The following DST variants were observed in gnomAD, a reference collection of about 807,000 sequenced individuals.
DST encodes the protein bullous pemphigoid antigen.
In DST, 253 loss-of-function variants were observed where a neutral mutation model predicts 875.2. That is an observed-to-expected ratio of 0.29 (90% CI 0.26 to 0.32). The LOEUF is 0.32. Ranked by LOEUF, DST falls within the 10% of genes least tolerant of loss-of-function variation. DST has a pLI of 1.00. For synonymous variants in DST, 3,124 were observed against 3,197.1 expected (o/e 0.98, Z 0.77); for missense variants, 8,287 against 9,111.6 (o/e 0.91, Z 3.68).
rs1440117219 is a variant in DST, at chr6:56,614,792, T to C, written c.4930-308A>G. ...CATGAGGCACTAGAAGATCTTTGAA[T>C]TGCTGCCTTTGCATTAGCATTACAA... On this transcript the variant is annotated intron_variant, in intron 36 of 103. Transcript: ENST00000680361. 8 of 1,017,986 alleles carry C rather than the reference T, an allele frequency of 7.9e-6. No homozygotes were observed. In the East Asian group the frequency reaches 4.7e-4, roughly 60 times the overall value. The allele number at this position is 1,017,986 out of a possible 1,614,324, so 63.1% of individuals were successfully genotyped here. A position where few individuals can be genotyped will look rare whatever the true frequency, so the allele number is the denominator to read the frequency against.
At chr6:56,894,577 A>T (rs1186101731) in intron 3 of DST, among the ~76,000 whole-genome samples, 1 of 33,090 alleles carries the variant, frequency 3.0e-5, no homozygotes, top group African/African-American at 2.2e-4. Flanking sequence ...GGCCGGGCAG[A>T]GGGGTCCTCA....
Position 56,572,139 on chromosome 6 carries a change from G to T in DST, c.13682C>A (p.Ser4561Ter). The T allele has an allele frequency of 6.6e-7, 1 of 1,516,908 alleles. No individual in the cohort carries two copies. The allele number at this position is 1,516,908 out of a possible 1,614,324, so 94.0% of individuals were successfully genotyped here. The stretch of plus-strand genomic sequence containing the variant: ...ATCCTCCATTTCCTTGAATTTCTTT[G>T]ACAAATTATTTGTTTTTTCAAGGAC... ...ALVLEKTNNL[S>*]KKFKEMEDTI... Residue 4561 changes from serine to a stop codon, truncating the protein, a stop_gained, in exon 53 of 104, where the codon TCA becomes TAA. Transcript: ENST00000680361. LOFTEE classifies it high-confidence loss of function.
intron 5 of DST, among the ~76,000 whole-genome samples, chr6:56,717,490 G>A (rs931609583): frequency 2.0e-4 from 30 of 152,190 alleles, no homozygotes; most frequent in African/African-American, 7.2e-4. Flanking sequence ...CCAGACTAAG[G>A]GATGAGAGGA....
chr6:56,559,999 G>A (rs931262123), intron 58 of DST, among the ~76,000 whole-genome samples: 4 of 151,972 alleles, frequency 2.6e-5, no homozygotes, highest in Non-Finnish European at 5.9e-5. Flanking sequence ...CCAAAAGCTA[G>A]GAAAAAGAAA....
At chr6:56,839,894 G>A (rs1473666611) in intron 4 of DST, among the ~76,000 whole-genome samples, 2 of 152,142 alleles carry the variant, frequency 1.3e-5, no homozygotes, top group African/African-American at 4.8e-5. Context: ...TGAGGGGGTG[G>A]AGTGGGGTTA....
At chr6:56,619,337 T>C (rs773757312) in intron 36 of DST, 2 of 1,613,446 alleles carry the variant, frequency 1.2e-6, no homozygotes, top group Non-Finnish European at 1.7e-6. Flanking sequence ...TGCACACTCA[T>C]TACTTTTCTC....
intron 90 of DST, among the ~76,000 whole-genome samples, chr6:56,478,798 GA>G (rs2095302831): frequency 6.6e-6 from 1 of 152,156 alleles, no homozygotes; most frequent in African/African-American, 2.4e-5. Flanking sequence ...TGTTCACTTT[GA>G]AATATAGGTG....
intron 80 of DST, among the ~76,000 whole-genome samples, chr6:56,499,026 A>G (rs1029410168): frequency 1.3e-5 from 2 of 152,150 alleles, no homozygotes; most frequent in African/African-American, 4.8e-5. Context: ...AAAAATATCA[A>G]TTTCTTTTAC....
chr6:56,591,700 C>T (rs372867667), intron 49 of DST, among the ~76,000 whole-genome samples: 119 of 152,208 alleles, frequency 7.8e-4, no homozygotes, highest in African/African-American at 2.6e-3. Flanking sequence ...AGGCTGGGCG[C>T]GGTGGTTCAC....
In DST at chr6:56,634,169, TTGATGAGA is replaced by T; in HGVS notation, c.3576_3583del (p.Tyr1192Ter). On this transcript the variant is annotated stop_gained and frameshift_variant, in exon 27 of 104. Transcript: ENST00000680361. LOFTEE classifies it high-confidence loss of function. Reference sequence around the variant, plus strand: ...GCTAGCTCGAATTCTATCAATTTCATTGATGAGATAATGCCAGGATACTACACTCTTCA... The same window carrying T: ...GCTAGCTCGAATTCTATCAATTTCATTAATGCCAGGATACTACACTCTTCA... 1 of 1,613,536 alleles carries T rather than the reference TTGATGAGA, an allele frequency of 6.2e-7. No individual in the cohort carries two copies. Among genetic ancestry groups the T allele is most frequent in the Non-Finnish European group, 8.5e-7 (1 of 1,180,000 alleles).
At chr6:56,742,209 GT>G in intron 4 of DST, 1 of 1,061,234 alleles carries the variant, frequency 9.4e-7, no homozygotes, top group Non-Finnish European at 1.3e-6. Context: ...AAAGCAGGTA[GT>G]GCAACTTTCC....
intron 4 of DST, among the ~76,000 whole-genome samples, chr6:56,758,162 T>C (rs2099608750): frequency 6.6e-6 from 1 of 152,214 alleles, no homozygotes; most frequent in Non-Finnish European, 1.5e-5. Context: ...AATTATTAGC[T>C]AGGTGCAAAT....
At chr6:56,466,044 T>C in intron 99 of DST, 34 bp downstream of exon 99, 1 of 1,513,796 alleles carries the variant, frequency 6.6e-7, no homozygotes, top group Middle Eastern at 1.7e-4. Flanking sequence ...ATTGAAATAC[T>C]TTCATGATGT....
At chr6:56,793,847 C>A (rs1487538560) in intron 4 of DST, among the ~76,000 whole-genome samples, 1 of 152,032 alleles carries the variant, frequency 6.6e-6, no homozygotes, top group Non-Finnish European at 1.5e-5. Context: ...ATTTTAAATG[C>A]ACAATAAAAG....
chr6:56,935,744 G>T (rs569988484), intron 2 of DST, among the ~76,000 whole-genome samples: 1 of 152,204 alleles, frequency 6.6e-6, no homozygotes, highest in South Asian at 2.1e-4. Context: ...TGGCCAACAT[G>T]GTGAAAACCC....
chr6:56,726,918 A>T (rs1361428008), intron 5 of DST, among the ~76,000 whole-genome samples: 3 of 152,182 alleles, frequency 2.0e-5, no homozygotes, highest in Non-Finnish European at 4.4e-5. Context: ...AACAGATATA[A>T]CCTGTCCTTA....
intron 4 of DST, among the ~76,000 whole-genome samples, chr6:56,750,279 T>C (rs1443612852): frequency 6.6e-6 from 1 of 152,006 alleles, no homozygotes; most frequent in Admixed American, 6.5e-5. Flanking sequence ...GAATATCACC[T>C]TGGGTTGATC....
At chr6:56,821,653 G>A (rs934072245) in intron 4 of DST, among the ~76,000 whole-genome samples, 1 of 152,136 alleles carries the variant, frequency 6.6e-6, no homozygotes, top group African/African-American at 2.4e-5. Context: ...TTATCATTCA[G>A]AATAAATGTA....
chr6:56,641,483 G>C (rs1456321817), intron 17 of DST, among the ~76,000 whole-genome samples: 1 of 152,098 alleles, frequency 6.6e-6, no homozygotes, highest in Non-Finnish European at 1.5e-5. Flanking sequence ...AGCTACTAGG[G>C]AGGCTGAGAC....
Sources: gnomAD v4.1 joint callset for allele counts (sites outside exome capture counted in the v4.1 genomes callset) on GRCh38, gnomAD v4.1.1 for gene constraint, MANE v1.5 for transcripts, NCBI Gene and HGNC (gene_info 2026-07-23, HGNC 2026-07-21) for gene names.